The following COL21A1 variants were observed in gnomAD, a reference collection of about 807,000 sequenced individuals.
COL21A1 encodes collagen type XXI alpha 1 chain.
In COL21A1, 149 loss-of-function variants were observed where a neutral mutation model predicts 137.9. That is an observed-to-expected ratio of 1.08 (90% CI 0.95 to 1.24). The LOEUF (loss-of-function observed/expected upper bound fraction) is 1.24, where lower values mean the gene tolerates loss of function less well. Ranked by LOEUF, COL21A1 falls within the 50% of genes most tolerant of loss-of-function variation. COL21A1 has a pLI of 0.00. For missense variants in COL21A1, 1,167 were observed against 1,158.4 expected, an observed-to-expected ratio of 1.01 and a Z score of -0.11; for synonymous variants, 456 against 391.5, an observed-to-expected ratio of 1.16 and a Z score of -1.95.
intron 16 of COL21A1, among the ~76,000 whole-genome samples, chr6:56,101,820 A>C (rs1770486864): frequency 6.6e-6 from 1 of 152,126 alleles, no homozygotes; most frequent in Non-Finnish European, 1.5e-5. Flanking sequence ...TCCAAGGTAA[A>C]TGTGACCAAT....
chr6:56,316,477 CTTTTTTTTTT>C (rs60388494), intron 1 of COL21A1, among the ~76,000 whole-genome samples: 5 of 75,786 alleles, frequency 6.6e-5, no homozygotes, highest in African/African-American at 2.5e-4. Context: ...TCTAAATAGA[CTTTTTTTTTT>C]TTTTTTTTTT....
intron 1 of COL21A1, among the ~76,000 whole-genome samples, chr6:56,302,177 C>T (rs1356964774): frequency 2.0e-5 from 3 of 151,660 alleles, no homozygotes; most frequent in Admixed American, 6.6e-5. Flanking sequence ...TGAATAGTGC[C>T]ACAATAAACA....
Position 56,101,529 on chromosome 6 carries a change from T to C in COL21A1, c.1759-4A>G, listed in dbSNP as rs1770456010. On this transcript the variant is annotated splice_region_variant and splice_polypyrimidine_tract_variant and intron_variant, in intron 16 of 29. Coordinates refer to ENST00000244728, the MANE Select transcript of COL21A1 (RefSeq NM_030820.4). The stretch of plus-strand genomic sequence containing the variant: ...CACCAGGGGATCCTGCTTCTCCCTT[T>C]TAATGATTTGACAAAAAGAAATAGA... 1 of 1,581,298 alleles carries C rather than the reference T, an allele frequency of 6.3e-7. No homozygotes were observed. Among genetic ancestry groups the C allele is most frequent in the African/African-American group, 1.3e-5 (1 of 74,386 alleles).
In COL21A1 at chr6:56,229,377, A is replaced by T. The variant is rs181588814; in HGVS notation, c.-39+18010T>A. 9.3e-4 allele frequency among the ~76,000 whole-genome samples: 141 copies of T among 152,112 alleles called. 1 individual carries two copies. The highest frequency in any genetic ancestry group is 1.8e-3 in the Non-Finnish European group (125 of 67,950). On this transcript the variant is annotated intron_variant, in intron 1 of 29. Transcript: ENST00000244728. ...AGAGAGACCCTGTCTCAAAAACAAC[A>T]GAATATGCATTATTTTAAAATCAGA...
intron 16 of COL21A1, 129 bp downstream of exon 16, chr6:56,123,933 C>A: frequency 2.6e-6 from 2 of 755,928 alleles, no homozygotes; most frequent in Non-Finnish European, 2.1e-6. Context: ...CGTAAAAAAC[C>A]TTTTAGCTCA....
intron 1 of COL21A1, among the ~76,000 whole-genome samples, chr6:56,279,111 G>A (rs1419759399): frequency 2.0e-5 from 3 of 152,098 alleles, no homozygotes; most frequent in African/African-American, 7.2e-5. Flanking sequence ...CCATCCTCTT[G>A]GTGCTGATCT....
chr6:56,327,750 G>A (rs1034747634), intron 1 of COL21A1, among the ~76,000 whole-genome samples: 2 of 151,994 alleles, frequency 1.3e-5, no homozygotes, highest in Non-Finnish European at 2.9e-5. Flanking sequence ...AGATACTCCT[G>A]GGCAACTCAT....
intron 1 of COL21A1, among the ~76,000 whole-genome samples, chr6:56,265,456 G>A (rs902484805): frequency 9.9e-5 from 15 of 152,198 alleles, no homozygotes; most frequent in African/African-American, 2.7e-4. Flanking sequence ...TCCCTTTCCC[G>A]TCCTTCCTCC....
chr6:56,236,285 G>T (rs1207963165), intron 1 of COL21A1, among the ~76,000 whole-genome samples: 1 of 151,960 alleles, frequency 6.6e-6, no homozygotes, highest in African/African-American at 2.4e-5. Flanking sequence ...ACACAACTAG[G>T]TCTAAAGCCT....
At chr6:56,157,769 T>TTG (rs1775868215) in intron 9 of COL21A1, among the ~76,000 whole-genome samples, 1 of 152,252 alleles carries the variant, frequency 6.6e-6, no homozygotes, top group Non-Finnish European at 1.5e-5. Context: ...TGTAAGTGTG[T>TTG]TGCTGTGTTA....
chr6:56,372,494 C>T (rs2093991274), intron 1 of COL21A1, among the ~76,000 whole-genome samples: 1 of 152,062 alleles, frequency 6.6e-6, no homozygotes, highest in Non-Finnish European at 1.5e-5. Context: ...TGTAAAAATG[C>T]CCCAATAAAG....
At chr6:56,296,993 T>C (rs1455683739) in intron 1 of COL21A1, among the ~76,000 whole-genome samples, 1 of 152,072 alleles carries the variant, frequency 6.6e-6, no homozygotes, top group Non-Finnish European at 1.5e-5. Flanking sequence ...CTGAAGGCCC[T>C]TCAACTCTTT....
chr6:56,310,874 A>T (rs1764597191), intron 1 of COL21A1, among the ~76,000 whole-genome samples: 1 of 152,056 alleles, frequency 6.6e-6, no homozygotes, highest in Non-Finnish European at 1.5e-5. Flanking sequence ...AGATACATTG[A>T]TAGATTTTTT....
chr6:56,309,249 T>C (rs6904082), intron 1 of COL21A1, among the ~76,000 whole-genome samples: 3,187 of 152,122 alleles, frequency 0.021, 112 homozygotes, highest in African/African-American at 0.073. Flanking sequence ...CCATGTTGGC[T>C]AGGATGGTCT....
intron 27 of COL21A1, chr6:56,060,449 C>A: frequency 2.0e-6 from 1 of 502,974 alleles, no homozygotes; most frequent in Non-Finnish European, 3.4e-6. Flanking sequence ...AAAGTGCCCC[C>A]AAAAGAAATT....
intron 1 of COL21A1, among the ~76,000 whole-genome samples, chr6:56,294,965 T>C (rs1405307254): frequency 1.3e-5 from 2 of 151,984 alleles, no homozygotes; most frequent in African/African-American, 2.4e-5. Context: ...CTTCTCAATT[T>C]TTCTTTCATG....
At chr6:56,259,019 C>T (rs1238833089) in intron 1 of COL21A1, among the ~76,000 whole-genome samples, 2 of 152,126 alleles carry the variant, frequency 1.3e-5, no homozygotes, top group African/African-American at 2.4e-5. Context: ...ACTTTTATTC[C>T]TTGTATCCCA....
intron 17 of COL21A1, among the ~76,000 whole-genome samples, chr6:56,094,333 C>CAAA (rs1235400960): frequency 6.6e-6 from 1 of 152,136 alleles, no homozygotes. Context: ...TTCCTCTTTC[C>CAAA]TCCTTTATCA....
chr6:56,312,580 A>G (rs1389900775), intron 1 of COL21A1, among the ~76,000 whole-genome samples: 1 of 152,222 alleles, frequency 6.6e-6, no homozygotes, highest in African/African-American at 2.4e-5. Flanking sequence ...GCAGGTACTT[A>G]GATACTTAGC....
Sources: gnomAD v4.1 joint callset for allele counts (sites outside exome capture counted in the v4.1 genomes callset) on GRCh38, gnomAD v4.1.1 for gene constraint, MANE v1.5 for transcripts, NCBI Gene and HGNC (gene_info 2026-07-23, HGNC 2026-07-21) for gene names.